RBFOX1: variants seen among roughly 807,000 people sequenced by gnomAD.
The protein encoded by RBFOX1 is RNA binding fox-1 homolog 1.
RBFOX1 carries 8 observed loss-of-function variants against 57.7 expected under a neutral mutation model. The ratio of observed to expected loss-of-function variants is 0.14; its 90% CI spans 0.08 to 0.25. The LOEUF is 0.25. Ranked by LOEUF, RBFOX1 falls within the 10% of genes least tolerant of loss-of-function variation. The probability of loss-of-function intolerance (pLI) is 1.00; values close to 1 mark genes in which losing one functional copy is unlikely to be tolerated. For synonymous variants in RBFOX1, 326 were observed against 222.4 expected (o/e 1.47, Z -4.15); for missense variants, 611 against 548.5 (o/e 1.11, Z -1.14).
intron 3 of RBFOX1, among the ~76,000 whole-genome samples, chr16:5,794,542 C>G (rs1182213612): frequency 6.6e-6 from 1 of 151,988 alleles, no homozygotes; most frequent in Non-Finnish European, 1.5e-5. Context: ...TGTGTGCAGC[C>G]TTTCAGATTT....
chr16:7,508,258 G>T (rs761444624), intron 4 of RBFOX1, among the ~76,000 whole-genome samples: 5 of 150,978 alleles, frequency 3.3e-5, no homozygotes, highest in Non-Finnish European at 5.9e-5. Context: ...GATTACAAGC[G>T]TGAGCCACCG....
intron 3 of RBFOX1, among the ~76,000 whole-genome samples, chr16:6,749,717 C>T (rs2074533444): frequency 6.6e-6 from 1 of 151,962 alleles, no homozygotes; most frequent in African/African-American, 2.4e-5. Context: ...AATTGCAGTG[C>T]ACAGATTCTT....
At chr16:6,966,931 CCAT>C (rs778212320) in intron 3 of RBFOX1, among the ~76,000 whole-genome samples, 1 of 149,474 alleles carries the variant, frequency 6.7e-6, no homozygotes, top group Non-Finnish European at 1.5e-5. Flanking sequence ...ATCCATCCAT[CCAT>C]CCATTGGCCT....
At chr16:7,568,538 A>G (rs748306915) in intron 5 of RBFOX1, among the ~76,000 whole-genome samples, 5 of 151,946 alleles carry the variant, frequency 3.3e-5, no homozygotes, top group Admixed American at 6.6e-5. Flanking sequence ...TTTATCAGCA[A>G]TGTGTTTATT....
intron 4 of RBFOX1, among the ~76,000 whole-genome samples, chr16:7,139,340 C>G (rs901047331): frequency 6.6e-6 from 1 of 152,096 alleles, no homozygotes; most frequent in Non-Finnish European, 1.5e-5. Flanking sequence ...AAAGCAAAAG[C>G]TTCTTACAGA....
chr16:6,044,243 G>A (rs560567206), intron 1 of RBFOX1, among the ~76,000 whole-genome samples: 69 of 152,308 alleles, frequency 4.5e-4, no homozygotes, highest in African/African-American at 1.6e-3. Context: ...CCTTGCCAGA[G>A]ATGTTGATGT....
chr16:6,043,186 A>T (rs1250540405), intron 1 of RBFOX1, among the ~76,000 whole-genome samples: 1 of 148,382 alleles, frequency 6.7e-6, no homozygotes, highest in Non-Finnish European at 1.5e-5. Context: ...GTGGAAACCA[A>T]CATCTTGTTA....
intron 2 of RBFOX1, among the ~76,000 whole-genome samples, chr16:6,490,039 G>A (rs2095596644): frequency 1.3e-5 from 2 of 152,198 alleles, no homozygotes; most frequent in Admixed American, 1.3e-4. Flanking sequence ...CCAGGTGGGT[G>A]ATGGTGGATG....
At chr16:6,145,975 G>A (rs1432968589) in intron 1 of RBFOX1, among the ~76,000 whole-genome samples, 2 of 152,136 alleles carry the variant, frequency 1.3e-5, no homozygotes, top group Admixed American at 6.6e-5. Context: ...TCTCCTTTGT[G>A]ACCAAAGGCA....
chr16:6,562,892 T>TC (rs2097202227), intron 2 of RBFOX1, among the ~76,000 whole-genome samples: 9 of 123,456 alleles, frequency 7.3e-5, no homozygotes, highest in Non-Finnish European at 1.2e-4. Context: ...TTTTTTTTTT[T>TC]TTTTTTGCAT....
At chr16:7,621,345 C>T (rs556704907) in intron 10 of RBFOX1, among the ~76,000 whole-genome samples, 2 of 152,204 alleles carry the variant, frequency 1.3e-5, no homozygotes, top group South Asian at 4.2e-4. Context: ...ATTGCAACCT[C>T]TGCCTCGCGG....
intron 3 of RBFOX1, among the ~76,000 whole-genome samples, chr16:6,681,767 G>C (rs942196928): frequency 6.6e-6 from 1 of 151,812 alleles, no homozygotes; most frequent in Non-Finnish European, 1.5e-5. Flanking sequence ...ACCACTCTCT[G>C]TAATTCAGTT....
intron 3 of RBFOX1, among the ~76,000 whole-genome samples, chr16:5,707,087 C>T (rs73518024): frequency 6.6e-6 from 1 of 152,116 alleles, no homozygotes; most frequent in Admixed American, 6.5e-5. Flanking sequence ...ATGAGAAACA[C>T]CCAGCCAGCC....
chr16:7,113,127 A>G (rs138866626), intron 4 of RBFOX1, among the ~76,000 whole-genome samples: 1 of 152,224 alleles, frequency 6.6e-6, no homozygotes, highest in East Asian at 1.9e-4. Context: ...CAAGTTTGAG[A>G]TCTCTGCAGA....
At chr16:7,688,254 TGTGTGTGAGAGA>T (rs1204953949) in intron 14 of RBFOX1, among the ~76,000 whole-genome samples, 3 of 115,782 alleles carry the variant, frequency 2.6e-5, no homozygotes, top group Non-Finnish European at 5.4e-5. Context: ...TGTGTGTGTG[TGTGTGTGAGAGA>T]GAGAGAGAGA....
At chr16:7,454,092 G>A (rs1412692970) in intron 4 of RBFOX1, among the ~76,000 whole-genome samples, 1 of 152,212 alleles carries the variant, frequency 6.6e-6, no homozygotes, top group East Asian at 1.9e-4. Context: ...AATTAGCTGA[G>A]TGTGGTGGCC....
chr16:6,386,978 G>A (rs527359312), intron 2 of RBFOX1, among the ~76,000 whole-genome samples: 6 of 152,280 alleles, frequency 3.9e-5, no homozygotes, highest in Admixed American at 1.3e-4. Flanking sequence ...TATTGATTCC[G>A]CAAAGATGAA....
At chr16:6,334,390 C>T (rs1274446532) in intron 2 of RBFOX1, among the ~76,000 whole-genome samples, 1 of 151,720 alleles carries the variant, frequency 6.6e-6, no homozygotes, top group Non-Finnish European at 1.5e-5. Context: ...CGCCTGTAGT[C>T]CCAGCTACTC....
intron 4 of RBFOX1, among the ~76,000 whole-genome samples, chr16:5,931,171 TG>T (rs1176761089): frequency 6.6e-6 from 1 of 152,152 alleles, no homozygotes; most frequent in African/African-American, 2.4e-5. Flanking sequence ...AGGCTCCACC[TG>T]GTTACCCCTT....
Sources: allele counts gnomAD v4.1 joint callset (sites outside exome capture counted in the v4.1 genomes callset), GRCh38; gene constraint gnomAD v4.1.1; transcripts MANE v1.5; gene names NCBI Gene and HGNC (gene_info 2026-07-23, HGNC 2026-07-21).